Variants in CAMK1D observed in about 807,000 individuals in gnomAD.
The protein encoded by CAMK1D is calcium/calmodulin-dependent protein kinase type 1D.
CAMK1D carries 9 observed loss-of-function variants against 47.7 expected under a neutral mutation model. The ratio of observed to expected loss-of-function variants is 0.19; its 90% CI spans 0.11 to 0.33. The LOEUF (loss-of-function observed/expected upper bound fraction) is 0.33, where lower values mean the gene tolerates loss of function less well. Among genes scored for constraint, CAMK1D ranks in the 10% least tolerant of loss-of-function variants. CAMK1D has a pLI of 1.00. For missense variants in CAMK1D, 291 were observed against 488.7 expected (o/e 0.60, Z 3.81); for synonymous variants, 184 against 184.9 (o/e 0.99, Z 0.04).
intron 3 of CAMK1D, among the ~76,000 whole-genome samples, chr10:12,732,664 A>ACCCCC (rs1564522851): frequency 5.4e-5 from 6 of 111,734 alleles, no homozygotes; most frequent in African/African-American, 2.7e-4. Flanking sequence ...TTATTCAATT[A>ACCCCC]CCCCCGCCCC....
intron 1 of CAMK1D, among the ~76,000 whole-genome samples, chr10:12,454,224 G>A (rs1474356265): frequency 1.1e-4 from 17 of 152,068 alleles, no homozygotes; most frequent in African/African-American, 3.9e-4. Context: ...GTGCAGTGAC[G>A]CGATTTCAGC....
intron 2 of CAMK1D, among the ~76,000 whole-genome samples, chr10:12,605,611 A>G (rs1478014079): frequency 6.6e-6 from 1 of 151,958 alleles, no homozygotes; most frequent in Non-Finnish European, 1.5e-5. Context: ...GTGCCCACTC[A>G]CTTCAGAGAG....
At chr10:12,539,348 G>C (rs1836088895) in intron 1 of CAMK1D, among the ~76,000 whole-genome samples, 1 of 152,176 alleles carries the variant, frequency 6.6e-6, no homozygotes, top group South Asian at 2.1e-4. Context: ...TAAGGTACTT[G>C]TTGAGACATC....
chr10:12,574,766 G>A (rs1245893743), intron 2 of CAMK1D, among the ~76,000 whole-genome samples: 2 of 152,150 alleles, frequency 1.3e-5, no homozygotes, highest in Non-Finnish European at 2.9e-5. Flanking sequence ...TGCAAACATA[G>A]AGGCTTCTGC....
intron 2 of CAMK1D, among the ~76,000 whole-genome samples, chr10:12,579,932 C>A (rs1209338517): frequency 6.6e-6 from 1 of 152,036 alleles, no homozygotes; most frequent in African/African-American, 2.4e-5. Flanking sequence ...TGCTTGTTGC[C>A]CTGGCTCAGG....
At chr10:12,650,380 C>A (rs192488475) in intron 2 of CAMK1D, among the ~76,000 whole-genome samples, 2 of 152,336 alleles carry the variant, frequency 1.3e-5, no homozygotes, top group Admixed American at 1.3e-4. Flanking sequence ...GGACATTGGT[C>A]GTGCTGTGTC....
chr10:12,701,077 T>C (rs1184982720), intron 3 of CAMK1D, among the ~76,000 whole-genome samples: 1 of 152,146 alleles, frequency 6.6e-6, no homozygotes, highest in Non-Finnish European at 1.5e-5. Context: ...AAAGTGCATA[T>C]TTCCACTTTT....
intron 2 of CAMK1D, among the ~76,000 whole-genome samples, chr10:12,603,582 G>A (rs1334383186): frequency 2.6e-5 from 4 of 152,134 alleles, no homozygotes; most frequent in Admixed American, 6.5e-5. Context: ...GTGGGACCTC[G>A]GGTTGAGAAC....
chr10:12,583,345 A>G (rs1182921839), intron 2 of CAMK1D, among the ~76,000 whole-genome samples: 1 of 152,146 alleles, frequency 6.6e-6, no homozygotes, highest in African/African-American at 2.4e-5. Flanking sequence ...TGGCAAACAT[A>G]TGGTTTGATA....
intron 1 of CAMK1D, among the ~76,000 whole-genome samples, chr10:12,356,296 C>T (rs140564466): frequency 1.2e-4 from 19 of 152,292 alleles, no homozygotes; most frequent in Non-Finnish European, 2.1e-4. Context: ...AGGACCTGGG[C>T]TTGGACGAAC....
Position 12,754,449 on chromosome 10 carries a change from A to G in CAMK1D, c.300-6499A>G, listed in dbSNP as rs190223073. Reference sequence around the variant, plus strand: ...TGATTTGGTGAAGAAACAAAGCACAATAAAGTAGCAAACATGGTGGGTGGG... The same window carrying G: ...TGATTTGGTGAAGAAACAAAGCACAGTAAAGTAGCAAACATGGTGGGTGGG... On this transcript the variant is annotated intron_variant, in intron 3 of 10. Transcript: ENST00000619168. Among the ~76,000 whole-genome samples, 4 of 152,384 alleles carry G rather than the reference A, an allele frequency of 2.6e-5. 1 individual carries two copies. The East Asian group carries it at 5.8e-4, about 22-fold the overall frequency.
At chr10:12,555,107 G>T (rs1301532901) in intron 2 of CAMK1D, among the ~76,000 whole-genome samples, 1 of 152,230 alleles carries the variant, frequency 6.6e-6, no homozygotes, top group East Asian at 1.9e-4. Context: ...TCAGCACATA[G>T]CAAGAATCTC....
chr10:12,671,335 G>A (rs940703436), intron 3 of CAMK1D, among the ~76,000 whole-genome samples: 13 of 151,028 alleles, frequency 8.6e-5, no homozygotes, highest in Non-Finnish European at 1.0e-4. Context: ...TTGCCGGGTC[G>A]AATGATAGCT....
At chr10:12,820,836 C>A (rs1474429385) in intron 8 of CAMK1D, among the ~76,000 whole-genome samples, 1 of 152,210 alleles carries the variant, frequency 6.6e-6, no homozygotes, top group Non-Finnish European at 1.5e-5. Flanking sequence ...GCTCAGGTCC[C>A]AACAGGCTGC....
chr10:12,818,682 A>AT lies in CAMK1D; in HGVS notation c.833+2354_833+2355insT, dbSNP rs1237909050. Among the ~76,000 whole-genome samples, 122 of 131,624 alleles carry AT rather than the reference A, an allele frequency of 9.3e-4. 1 individual carries two copies. Among genetic ancestry groups the AT allele is most frequent in the African/African-American group, 3.2e-3 (113 of 35,032 alleles). The allele number at this position is 131,624 out of a possible 152,430, so 86.4% of individuals were successfully genotyped here. A position where few individuals can be genotyped will look rare whatever the true frequency, so the allele number is the denominator to read the frequency against. On this transcript the variant is annotated intron_variant, in intron 8 of 10. Coordinates refer to ENST00000619168, the MANE Select transcript of CAMK1D (RefSeq NM_153498.4). ...CGAGACTCTGTCCCAAAAAAAAAAA[A>AT]AATAAGGTAAATTAACTTAGCCGAG...
intron 3 of CAMK1D, among the ~76,000 whole-genome samples, chr10:12,713,202 C>G (rs1041479282): frequency 6.6e-6 from 1 of 152,138 alleles, no homozygotes; most frequent in Non-Finnish European, 1.5e-5. Flanking sequence ...TCCTGAGTAG[C>G]TGGGATTACA....
chr10:12,806,353 C>G (rs1037651709), intron 6 of CAMK1D, among the ~76,000 whole-genome samples: 2 of 152,172 alleles, frequency 1.3e-5, no homozygotes, highest in African/African-American at 2.4e-5. Context: ...CCAGAGGAGT[C>G]CCTGACAGGC....
intron 1 of CAMK1D, among the ~76,000 whole-genome samples, chr10:12,424,758 A>G (rs1200549019): frequency 6.6e-6 from 1 of 152,140 alleles, no homozygotes; most frequent in African/African-American, 2.4e-5. Context: ...GCAGTGAGCC[A>G]TAATTGCACC....
chr10:12,832,083 T>G lies in CAMK1D; in HGVS notation c.*3196T>G, dbSNP rs1833428186. The G allele has an allele frequency of 1.3e-5, 2 of 152,372 alleles. No individual in the cohort carries two copies. Among genetic ancestry groups the G allele is most frequent in the South Asian group, 4.1e-4 (2 of 4,830 alleles). The allele number at this position is 152,372 out of a possible 1,614,324, so 9.4% of individuals were successfully genotyped here. ...AAGTCCCCCATTTGGTCACTATCCC[T>G]TCTCAGAGCAAGTGGATTCTCTTTT... On this transcript the variant is annotated 3_prime_UTR_variant, in exon 11 of 11. Transcript: ENST00000619168.
Sources: gnomAD v4.1 joint callset for allele counts (sites outside exome capture counted in the v4.1 genomes callset) on GRCh38, gnomAD v4.1.1 for gene constraint, MANE v1.5 for transcripts, NCBI Gene and HGNC (gene_info 2026-07-23, HGNC 2026-07-21) for gene names.